ASNS: variants seen among roughly 807,000 people sequenced by gnomAD.
ASNS encodes the protein asparagine synthetase [glutamine-hydrolyzing].
A neutral mutation model predicts 62.6 loss-of-function variants in ASNS; 37 were observed. That is an observed-to-expected ratio of 0.59 (90% CI 0.45 to 0.78). ASNS has a LOEUF of 0.78. Among genes scored for constraint, ASNS ranks in the 30% least tolerant of loss-of-function variants. The pLI, the probability that ASNS is intolerant of heterozygous loss-of-function variation, is 0.00. For synonymous variants in ASNS, 207 were observed against 237.9 expected (o/e 0.87, Z 1.19); for missense variants, 520 against 682.4 (o/e 0.76, Z 2.65).
At chr7:97,860,839 G>A (rs1032711838) in intron 4 of ASNS, among the ~76,000 whole-genome samples, 31 of 151,996 alleles carry the variant, frequency 2.0e-4, no homozygotes, top group Non-Finnish European at 3.7e-4. Flanking sequence ...CCTTTGATGT[G>A]CAAAAATGTT....
intron 1 of ASNS, among the ~76,000 whole-genome samples, chr7:97,870,620 A>C (rs373420370): frequency 2.6e-5 from 4 of 152,250 alleles, no homozygotes; most frequent in African/African-American, 9.6e-5. Context: ...CAAATAGCCC[A>C]AATAGCCTAT....
At chr7:97,886,608 A>G in the ASNS span, among the ~76,000 whole-genome samples, 3 of 152,238 alleles carry the variant, frequency 2.0e-5, no homozygotes, top group Non-Finnish European at 4.4e-5. Flanking sequence ...TTTCATTTGT[A>G]TAGGGAAATG....
the ASNS span, chr7:97,908,184 T>G: frequency 6.6e-6 from 1 of 152,132 alleles, no homozygotes; most frequent in African/African-American, 2.4e-5. Flanking sequence ...AGGTCTAAAA[T>G]TGAAACGTGA....
the ASNS span, among the ~76,000 whole-genome samples, chr7:97,896,630 G>GTATA: frequency 2.9e-4 from 33 of 113,920 alleles, no homozygotes; most frequent in South Asian, 2.0e-3. Flanking sequence ...ATATATATAT[G>GTATA]TATATATATA....
the ASNS span, among the ~76,000 whole-genome samples, chr7:97,906,264 A>T: frequency 6.7e-6 from 1 of 150,214 alleles, no homozygotes; most frequent in South Asian, 2.2e-4. Context: ...CACCACCACC[A>T]CCACCGTCGC....
chr7:97,892,636 C>G, the ASNS span, among the ~76,000 whole-genome samples: 2 of 151,820 alleles, frequency 1.3e-5, no homozygotes, highest in Admixed American at 6.6e-5. Flanking sequence ...TATCAGATAC[C>G]CTAAATCTCT....
At chr7:97,903,027 G>C in the ASNS span, among the ~76,000 whole-genome samples, 2 of 151,972 alleles carry the variant, frequency 1.3e-5, no homozygotes, top group Non-Finnish European at 2.9e-5. Flanking sequence ...CAGGGATGAC[G>C]CTCAACATCC....
At chr7:97,909,254 C>T in the ASNS span, among the ~76,000 whole-genome samples, 1 of 151,052 alleles carries the variant, frequency 6.6e-6, no homozygotes, top group South Asian at 2.1e-4. Context: ...ACCTCCATCC[C>T]CCAACATCCC....
Position 97,852,037 on chromosome 7 carries a change from A to G in ASNS, c.*222T>C, listed in dbSNP as rs1337517325. The G allele has an allele frequency of 7.3e-6, 4 of 548,392 alleles. No individual in the cohort carries two copies. Among genetic ancestry groups the G allele is most frequent in the Non-Finnish European group, 1.3e-5 (4 of 311,094 alleles). The allele number at this position is 548,392 out of a possible 1,614,324, so 34.0% of individuals were successfully genotyped here. ...ACATCTGATCATTTTCCCTTTTCCT[A>G]GCTTACCCTCCACTTTACTGTGATA... On this transcript the variant is annotated 3_prime_UTR_variant, in exon 13 of 13. Coordinates refer to ENST00000394308, the MANE Select transcript of ASNS (RefSeq NM_001673.5).
intron 5 of ASNS, 112 bp downstream of exon 5, chr7:97,859,101 C>A: frequency 6.9e-7 from 1 of 1,445,586 alleles, no homozygotes; most frequent in Non-Finnish European, 9.4e-7. Flanking sequence ...TCCCTCCAAA[C>A]AAAATAGGAA....
chr7:97,886,364 G>A, the ASNS span, among the ~76,000 whole-genome samples: 30 of 152,202 alleles, frequency 2.0e-4, no homozygotes, highest in African/African-American at 6.7e-4. Context: ...GGCCAGGACG[G>A]TCTCAATCTC....
chr7:97,911,376 TGCCTGTAATCTCA>T, the ASNS span, among the ~76,000 whole-genome samples: 5 of 152,064 alleles, frequency 3.3e-5, no homozygotes, highest in Non-Finnish European at 7.3e-5. Flanking sequence ...CAGCAGCTCA[TGCCTGTAATCTCA>T]GCACTTTGGG....
At chr7:97,916,614 C>T in the ASNS span, among the ~76,000 whole-genome samples, 2 of 152,150 alleles carry the variant, frequency 1.3e-5, no homozygotes, top group Non-Finnish European at 2.9e-5. Flanking sequence ...GGTGGAAATG[C>T]AGTGCTTTAT....
rs779420129 is a variant in ASNS, at chr7:97,870,353, T to TA, written c.-59-541dup. 35 of 360,834 alleles carry TA rather than the reference T, an allele frequency of 9.7e-5. No individual in the cohort carries two copies. The South Asian group carries it at 1.0e-3, about 11-fold the overall frequency. 22.4% of individuals were successfully genotyped at this position (360,834 alleles called of 1,614,324 possible). A position where few individuals can be genotyped will look rare whatever the true frequency, so the allele number is the denominator to read the frequency against. ...AAAATAACTATTTTGGTGTTTTTTT[T>TA]AAAAAAACTGCGAATTGCAGCAAAT... is the stretch of plus-strand genomic sequence containing the variant. On this transcript the variant is annotated intron_variant, in intron 1 of 12. Transcript: ENST00000394308.
chr7:97,871,058 G>A (rs566351374), intron 1 of ASNS, among the ~76,000 whole-genome samples: 3 of 152,194 alleles, frequency 2.0e-5, no homozygotes, highest in Admixed American at 6.5e-5. Flanking sequence ...AAATATATAT[G>A]TAAGCCACAT....
chr7:97,866,209 A>C (rs1791959958), intron 3 of ASNS, among the ~76,000 whole-genome samples: 1 of 152,204 alleles, frequency 6.6e-6, no homozygotes, highest in Admixed American at 6.5e-5. Context: ...CCTAGCTATA[A>C]AAATGTAAAG....
the ASNS span, among the ~76,000 whole-genome samples, chr7:97,891,987 T>C: frequency 1.3e-3 from 195 of 152,338 alleles, no homozygotes; most frequent in African/African-American, 4.5e-3. Context: ...CGACCCCACA[T>C]TTCCCTTCTG....
chr7:97,873,877 C>T (rs1792380261), upstream of ASNS, among the ~76,000 whole-genome samples: 1 of 152,128 alleles, frequency 6.6e-6, no homozygotes, highest in Admixed American at 6.6e-5. Context: ...CCTTGCCCTC[C>T]TCTTTCAGGG....
At chr7:97,878,246 G>C in the ASNS span, among the ~76,000 whole-genome samples, 2 of 152,134 alleles carry the variant, frequency 1.3e-5, no homozygotes, top group Admixed American at 6.5e-5. Context: ...AAATTAGCTG[G>C]GAGTGGTGGC....
Sources: allele counts gnomAD v4.1 joint callset (sites outside exome capture counted in the v4.1 genomes callset), GRCh38; gene constraint gnomAD v4.1.1; transcripts MANE v1.5; gene names NCBI Gene and HGNC (gene_info 2026-07-23, HGNC 2026-07-21).